The following SYNE2 variants were observed in gnomAD, a reference collection of about 807,000 sequenced individuals.
The protein encoded by SYNE2 is spectrin repeat containing nuclear envelope protein 2.
A neutral mutation model predicts 856.3 loss-of-function variants in SYNE2; 431 were observed. That is an observed-to-expected ratio of 0.50 (90% CI 0.47 to 0.55). The LOEUF (loss-of-function observed/expected upper bound fraction) is 0.55. Ranked by LOEUF, SYNE2 falls within the 20% of genes least tolerant of loss-of-function variation. The probability of loss-of-function intolerance (pLI) is 0.00; values close to 1 mark genes in which losing one functional copy is unlikely to be tolerated. For synonymous variants in SYNE2, 2,923 were observed against 2,872.3 expected (o/e 1.02, Z -0.56); for missense variants, 8,129 against 8,023.2 (o/e 1.01, Z -0.50).
intron 96 of SYNE2, among the ~76,000 whole-genome samples, chr14:64,185,118 T>G (rs952472347): frequency 6.6e-6 from 1 of 152,130 alleles, no homozygotes; most frequent in African/African-American, 2.4e-5. Context: ...ATTAGCCAGT[T>G]GTGGTGGTGC....
intron 97 of SYNE2, among the ~76,000 whole-genome samples, chr14:64,186,803 CT>C (rs980337066): frequency 1.7e-4 from 26 of 152,172 alleles, no homozygotes; most frequent in Non-Finnish European, 3.2e-4. Context: ...TTTTAATGAG[CT>C]TTTTTAAAAA....
chr14:64,223,819 G>C (rs2098705680), intron 113 of SYNE2, among the ~76,000 whole-genome samples: 1 of 152,090 alleles, frequency 6.6e-6, no homozygotes, highest in Admixed American at 6.5e-5. Flanking sequence ...CTTAGGGCAG[G>C]TCTGTTTTCT....
At chr14:63,999,428 A>G (rs1156309825) in intron 27 of SYNE2, among the ~76,000 whole-genome samples, 2 of 152,162 alleles carry the variant, frequency 1.3e-5, no homozygotes, top group Non-Finnish European at 2.9e-5. Context: ...GTGACTCTGA[A>G]TGTTTGTTTC....
Position 64,024,430 on chromosome 14 carries a change from G to A in SYNE2, c.5811G>A (p.Glu1937=), listed in dbSNP as rs1014462703. The A allele has an allele frequency of 1.2e-6, 2 of 1,614,104 alleles. No individual in the cohort carries two copies. The highest frequency in any genetic ancestry group is 1.7e-6 in the Non-Finnish European group (2 of 1,179,974). Residue 1937 remains glutamate, a synonymous_variant, in exon 39 of 116, where the codon GAG becomes GAA. Coordinates refer to ENST00000555002, the MANE Select transcript of SYNE2 (RefSeq NM_182914.3). ...CCATATGCCAGGCTCGAGCAAAGGA[G>A]CTTGAAGACTCCTTGCAGCAGCTAC... The part of the protein sequence containing the change: ...MESICQARAK[E]LEDSLQQLLR...
At chr14:63,974,777 T>G (rs1277541874) in intron 11 of SYNE2, among the ~76,000 whole-genome samples, 2 of 119,940 alleles carry the variant, frequency 1.7e-5, no homozygotes, top group African/African-American at 3.9e-5. Flanking sequence ...TGTATATATA[T>G]ATGTGTGTAT....
At chr14:64,057,202 A>G (rs995700494) in intron 49 of SYNE2, among the ~76,000 whole-genome samples, 2 of 152,090 alleles carry the variant, frequency 1.3e-5, no homozygotes. Context: ...CTGTGGTGCT[A>G]TCAATACTAG....
chr14:63,873,786 A>G (rs1257075741), intron 1 of SYNE2: 1 of 152,218 alleles, frequency 6.6e-6, no homozygotes, highest in African/African-American at 2.4e-5. Context: ...TTCCTCACTG[A>G]ACTGTGGATG....
chr14:63,886,602 A>G (rs2094992175), intron 1 of SYNE2, among the ~76,000 whole-genome samples: 1 of 152,178 alleles, frequency 6.6e-6, no homozygotes, highest in Admixed American at 6.6e-5. Flanking sequence ...AACTGACAGA[A>G]TTTATCTTGT....
At chr14:63,913,794 G>A (rs2095502342) in intron 2 of SYNE2, among the ~76,000 whole-genome samples, 1 of 91,120 alleles carries the variant, frequency 1.1e-5, no homozygotes, top group Admixed American at 1.2e-4. Flanking sequence ...TTTGCGATAT[G>A]GAAATTCAGG....
intron 1 of SYNE2, among the ~76,000 whole-genome samples, chr14:63,812,734 A>G (rs953046827): frequency 3.9e-5 from 6 of 152,102 alleles, no homozygotes; most frequent in Non-Finnish European, 5.9e-5. Context: ...TGGTCCCTCC[A>G]TTTGGGGTCC....
intron 31 of SYNE2, 44 bp downstream of exon 31, chr14:64,007,266 G>T: frequency 6.3e-7 from 1 of 1,577,322 alleles, no homozygotes; most frequent in Non-Finnish European, 8.7e-7. Flanking sequence ...AAAATTGTCT[G>T]TAGCACAATT....
At chr14:64,207,469 G>C (rs984183619) in intron 100 of SYNE2, among the ~76,000 whole-genome samples, 1 of 151,790 alleles carries the variant, frequency 6.6e-6, no homozygotes, top group Non-Finnish European at 1.5e-5. Flanking sequence ...GCTGATGTGG[G>C]AGGATCACTT....
At position 64,218,634 on chromosome 14, in the gene SYNE2, T is replaced by C. The variant is rs76227779; in HGVS notation, c.19657+122T>C. 1,188 of 884,010 alleles carry C rather than the reference T, an allele frequency of 1.3e-3. 6 individuals carry two copies. The African/African-American group carries it at 0.016, about 12-fold the overall frequency. The allele number at this position is 884,010 out of a possible 1,614,324, so 54.8% of individuals were successfully genotyped here. On this transcript the variant is annotated intron_variant, in intron 109 of 115. Coordinates refer to ENST00000555002, the MANE Select transcript of SYNE2 (RefSeq NM_182914.3). ...TTCGCCAGAACTGGGGGACTTACCC[T>C]ACAACAACCAATGTTATTTTTAAAT...
In SYNE2 at chr14:64,002,925, C is replaced by T; in HGVS notation, c.3992C>T (p.Ser1331Phe). ...AAAGCTCTGGAAGACTTTTTGGCGT[C>T]TCTCAGAACAGCTAAACTCTCTGCT... ...TLKALEDFLA[S>F]LRTAKLSAEP... Residue 1331 changes from serine (S) to phenylalanine (F), a missense_variant, in exon 30 of 116, where the codon TCT becomes TTT. By Grantham distance (155) the Ser-to-Phe change is radical. This residue lies in a region of SYNE2 where 2,422 missense variants were observed against 2,357.4 expected (regional missense o/e 1.03). Transcript: ENST00000555002. The T allele has an allele frequency of 1.9e-6, 3 of 1,614,194 alleles. No homozygotes were observed. Among genetic ancestry groups the T allele is most frequent in the East Asian group, 4.5e-5 (2 of 44,886 alleles).
At position 64,126,613 on chromosome 14, in the gene SYNE2, T is replaced by C. The variant is rs2097948851; in HGVS notation, c.13723T>C (p.Leu4575=). The part of the protein sequence containing the change: ...QVHYETLALE[L]KKLYLALSDK... ...TCCACTCCAGACGCTGGCTCTTGAG[T>C]TGAAGAAACTTTATTTAGCGCTAAG... Residue 4575 remains leucine (L), a synonymous_variant, in exon 73 of 116, where the codon TTG becomes CTG. Coordinates refer to ENST00000555002, the MANE Select transcript of SYNE2 (RefSeq NM_182914.3). The C allele has an allele frequency of 6.2e-7, 1 of 1,614,030 alleles. No individual in the cohort carries two copies. Among genetic ancestry groups the C allele is most frequent in the South Asian group, 1.1e-5 (1 of 91,088 alleles).
chr14:63,996,522 T>G (rs1422970627), intron 23 of SYNE2, among the ~76,000 whole-genome samples: 1 of 152,122 alleles, frequency 6.6e-6, no homozygotes, highest in African/African-American at 2.4e-5. Context: ...ACTGGAGTTC[T>G]GGTCCTTTGA....
rs1157242509 is a variant in SYNE2, at chr14:63,995,101, G to A, written c.2839G>A (p.Gly947Arg). The A allele has an allele frequency of 3.2e-6, 5 of 1,585,088 alleles. No individual in the cohort carries two copies. Among genetic ancestry groups the A allele is most frequent in the African/African-American group, 1.4e-5 (1 of 73,604 alleles). The change falls in exon 23 of 116, where the codon GGA (glycine) becomes AGA (arginine). Residue 947 changes from glycine (G) to arginine (R), a missense_variant. By Grantham distance (125) the Gly-to-Arg change is moderately radical. Coordinates refer to ENST00000555002, the MANE Select transcript of SYNE2 (RefSeq NM_182914.3). ...VQQLKIDIEKGKLSDNILKLE... is the reference protein window; with the variant it reads ...VQQLKIDIEKRKLSDNILKLE... The stretch of plus-strand genomic sequence containing the variant: ...ACAACTAAAAATAGATATTGAAAAA[G>A]GAAAGCTTAGTGACAATATTTTAAA...
chr14:64,190,010 G>T, intron 98 of SYNE2, 61 bp from the exon 99 acceptor site: 2 of 1,584,714 alleles, frequency 1.3e-6, no homozygotes. Flanking sequence ...TATGTCTGTG[G>T]CTGGAGAAGA....
At chr14:64,008,229 C>A (rs537841178) in intron 31 of SYNE2, among the ~76,000 whole-genome samples, 1 of 152,230 alleles carries the variant, frequency 6.6e-6, no homozygotes, top group Non-Finnish European at 1.5e-5. Flanking sequence ...CTTATGATTA[C>A]ACCAGGCCCA....
Sources: gnomAD v4.1 joint callset for allele counts (sites outside exome capture counted in the v4.1 genomes callset) on GRCh38, gnomAD v4.1.1 for gene constraint, gnomAD v4.1.1 regional missense constraint, MANE v1.5 for transcripts, NCBI Gene and HGNC (gene_info 2026-07-23, HGNC 2026-07-21) for gene names.